The following PCDH15 variants were observed in gnomAD, a reference collection of about 807,000 sequenced individuals.
PCDH15 encodes the protein protocadherin related 15, also known as protocadherin-15.
PCDH15 carries 129 observed loss-of-function variants against 178.5 expected under a neutral mutation model. The ratio of observed to expected loss-of-function variants is 0.72; its 90% confidence interval spans 0.63 to 0.84. The LOEUF (loss-of-function observed/expected upper bound fraction) is 0.84. Among genes scored for constraint, PCDH15 ranks in the 40% least tolerant of loss-of-function variants. PCDH15 has a pLI of 0.00. For synonymous variants in PCDH15, 800 were observed against 732.0 expected (o/e 1.09, Z -1.50); for missense variants, 2,230 against 2,099.9 (o/e 1.06, Z -1.21).
chr10:54,561,141 C>T (rs1215928400), intron 2 of PCDH15, among the ~76,000 whole-genome samples: 1 of 152,044 alleles, frequency 6.6e-6, no homozygotes, highest in Non-Finnish European at 1.5e-5. Flanking sequence ...GACGCTTAAA[C>T]ATCTTAAGTA....
Position 55,376,185 on chromosome 10 carries a change from T to C in PCDH15, c.-155-209534A>G, listed in dbSNP as rs554609214. On this transcript the variant is annotated intron_variant, in intron 2 of 5. Transcript: ENST00000613346. ...GGTTTGAGATTAAATTTCAGTATTATGTAGAACTCCACAGGCAACCAAATA... is the reference window on the plus strand; with the variant it reads ...GGTTTGAGATTAAATTTCAGTATTACGTAGAACTCCACAGGCAACCAAATA... 2.6e-4 allele frequency among the ~76,000 whole-genome samples: 39 copies of C among 152,258 alleles called. No homozygotes were observed. In the South Asian group the frequency reaches 7.9e-3, roughly 31 times the overall value.
intron 2 of PCDH15, among the ~76,000 whole-genome samples, chr10:55,334,604 G>T (rs1425121676): frequency 6.6e-6 from 1 of 151,938 alleles, no homozygotes; most frequent in Non-Finnish European, 1.5e-5. Flanking sequence ...ATGGTGCCCG[G>T]CTGGGTGCTC....
chr10:54,788,683 T>C (rs1232040812), intron 1 of PCDH15, among the ~76,000 whole-genome samples: 2 of 151,866 alleles, frequency 1.3e-5, no homozygotes, highest in Non-Finnish European at 2.9e-5. Context: ...AGTTATGCTA[T>C]GTAAAAGTAG....
intron 2 of PCDH15, among the ~76,000 whole-genome samples, chr10:55,138,135 G>A (rs2132085251): frequency 6.6e-6 from 1 of 152,266 alleles, no homozygotes; most frequent in South Asian, 2.1e-4. Flanking sequence ...TGATCTTGGA[G>A]TAGGTTTGCC....
chr10:55,340,856 AT>A (rs1282833598), intron 2 of PCDH15, among the ~76,000 whole-genome samples: 5 of 152,202 alleles, frequency 3.3e-5, no homozygotes, highest in African/African-American at 1.2e-4. Flanking sequence ...GTGCCTAATA[AT>A]TAAAGGCTGA....
chr10:54,853,150 C>T (rs1953657858), intron 3 of PCDH15, among the ~76,000 whole-genome samples: 1 of 150,536 alleles, frequency 6.6e-6, no homozygotes, highest in African/African-American at 2.4e-5. Context: ...ATCCCCGCTA[C>T]TTGGGAGGCT....
intron 2 of PCDH15, among the ~76,000 whole-genome samples, chr10:55,003,698 T>C (rs1839852335): frequency 2.0e-5 from 3 of 152,238 alleles, no homozygotes; most frequent in Non-Finnish European, 4.4e-5. Context: ...GGGCTTTCAC[T>C]GAAATGTCGT....
chr10:54,083,020 C>T (rs2094459098), intron 16 of PCDH15, among the ~76,000 whole-genome samples: 1 of 152,004 alleles, frequency 6.6e-6, no homozygotes, highest in Non-Finnish European at 1.5e-5. Flanking sequence ...TGTCATTAGT[C>T]ATCAGGCAAA....
At position 55,364,333 on chromosome 10, in the gene PCDH15, T is replaced by C. The variant is rs555561163; in HGVS notation, c.-155-197682A>G. ...TACATTATTCCTCATATCTAAGTCA[T>C]TACATATTCTTTTTTAGTGGATATA... On this transcript the variant is annotated intron_variant, in intron 2 of 5. Transcript: ENST00000613346. Among the ~76,000 whole-genome samples, 80 of 152,278 alleles carry C rather than the reference T, an allele frequency of 5.3e-4. 1 individual carries two copies. Among genetic ancestry groups the C allele is most frequent in the African/African-American group, 1.9e-3 (78 of 41,560 alleles).
chr10:54,520,287 TG>T (rs1436345295), intron 3 of PCDH15, among the ~76,000 whole-genome samples: 3 of 151,904 alleles, frequency 2.0e-5, no homozygotes, highest in Non-Finnish European at 4.4e-5. Flanking sequence ...ACCTACAAAA[TG>T]GGAGAAAATT....
intron 2 of PCDH15, among the ~76,000 whole-genome samples, chr10:55,112,492 A>G (rs2252645): frequency 0.073 from 11,074 of 152,144 alleles, 1,248 homozygotes; most frequent in African/African-American, 0.24. Context: ...GTAAAAGGAG[A>G]GAGAGAAACA....
At chr10:54,292,330 T>C (rs1591625455) in intron 8 of PCDH15, among the ~76,000 whole-genome samples, 1 of 152,048 alleles carries the variant, frequency 6.6e-6, no homozygotes, top group South Asian at 2.1e-4. Flanking sequence ...CTCAAAATAA[T>C]AAGAGGTATT....
At chr10:54,418,541 A>C (rs1425118557) in intron 3 of PCDH15, among the ~76,000 whole-genome samples, 1 of 152,014 alleles carries the variant, frequency 6.6e-6, no homozygotes, top group African/African-American at 2.4e-5. Context: ...TCGGTATGAC[A>C]GAAGACAAAT....
At chr10:55,010,116 A>C (rs1294977587) in intron 2 of PCDH15, among the ~76,000 whole-genome samples, 1 of 152,186 alleles carries the variant, frequency 6.6e-6, no homozygotes, top group Non-Finnish European at 1.5e-5. Flanking sequence ...CAATAAGGCT[A>C]GCAATGGACC....
chr10:55,018,285 T>C (rs1840234156), intron 2 of PCDH15, among the ~76,000 whole-genome samples: 1 of 152,056 alleles, frequency 6.6e-6, no homozygotes. Flanking sequence ...CGGGGATTGA[T>C]TCTAGGACCA....
At chr10:55,417,819 C>G (rs897445748) in intron 2 of PCDH15, among the ~76,000 whole-genome samples, 4 of 148,092 alleles carry the variant, frequency 2.7e-5, no homozygotes, top group African/African-American at 7.4e-5. Context: ...CAGAACACAA[C>G]AAGAAGAGAA....
In PCDH15 at chr10:54,697,681, GA is replaced by G. The variant is rs59551859; in HGVS notation, c.-28-33392del. Among the ~76,000 whole-genome samples, 582 of 97,532 alleles carry G rather than the reference GA, an allele frequency of 6.0e-3. 4 individuals are homozygous for G. The highest frequency in any genetic ancestry group is 0.023 in the African/African-American group (518 of 22,266). 64.0% of individuals were successfully genotyped at this position (97,532 alleles called of 152,430 possible). A position where few individuals can be genotyped will look rare whatever the true frequency, so the allele number is the denominator to read the frequency against. On this transcript the variant is annotated intron_variant, in intron 1 of 37. Coordinates refer to ENST00000644397, the MANE Select transcript of PCDH15 (RefSeq NM_001384140.1). ...GGAAGGGGAAGGGGGAAGGGGAAGGGAGGAAGGGAGGAAGGGAGGAAGGGAG... is the reference window on the plus strand; with the variant it reads ...GGAAGGGGAAGGGGGAAGGGGAAGGGGGAAGGGAGGAAGGGAGGAAGGGAG...
intron 15 of PCDH15, among the ~76,000 whole-genome samples, chr10:54,100,624 C>G (rs533075991): frequency 7.2e-5 from 11 of 152,170 alleles, no homozygotes; most frequent in African/African-American, 2.4e-4. Context: ...TAAACTCTTA[C>G]TATTGATGTT....
rs1251353233 is a variant in PCDH15 at position 54,514,679 on chromosome 10, A to G, written c.157+13133T>C. 2.0e-5 allele frequency among the ~76,000 whole-genome samples: 3 copies of G among 152,246 alleles called. No homozygotes were observed. The East Asian group carries it at 5.8e-4, about 29-fold the overall frequency. ...TCAAAATAGACTTCAAAAAAAAAAA[A>G]AAAACAGTTTTAACTGAAACAAATC... is the stretch of plus-strand genomic sequence containing the variant. On this transcript the variant is annotated intron_variant, in intron 3 of 37. Coordinates refer to ENST00000644397, the MANE Select transcript of PCDH15 (RefSeq NM_001384140.1).
Sources: allele counts gnomAD v4.1 joint callset (sites outside exome capture counted in the v4.1 genomes callset), GRCh38; gene constraint gnomAD v4.1.1; transcripts MANE v1.5; gene names NCBI Gene and HGNC (gene_info 2026-07-23, HGNC 2026-07-21).